TPD52L2: variants seen among roughly 807,000 people sequenced by gnomAD.
TPD52L2 encodes the protein tumor protein D54.
In TPD52L2, 19 loss-of-function variants were observed where a neutral mutation model predicts 24.7. The ratio of observed to expected loss-of-function variants is 0.77; its 90% confidence interval spans 0.54 to 1.13. The LOEUF (loss-of-function observed/expected upper bound fraction) is 1.13, where lower values mean the gene tolerates loss of function less well. TPD52L2 is among the 50% of genes most tolerant of loss of function. The pLI is 0.00. For missense variants in TPD52L2, 236 were observed against 250.4 expected, an observed-to-expected ratio of 0.94 and a Z score of 0.39; for synonymous variants, 104 against 100.2, an observed-to-expected ratio of 1.04 and a Z score of -0.23.
In TPD52L2 at chr20:63,876,062, G is replaced by A. The variant is rs183241916; in HGVS notation, c.374+187G>A. On this transcript the variant is annotated intron_variant, in intron 4 of 6. Transcript: ENST00000346249. Reference sequence around the variant, plus strand: ...AACTTTTGTGGAACAGGGAATAGTAGCTGAGAGAAACTCACTCAGCCACCT... The same window carrying A: ...AACTTTTGTGGAACAGGGAATAGTAACTGAGAGAAACTCACTCAGCCACCT... Among the ~76,000 whole-genome samples the A allele has an allele frequency of 1.1e-3, 173 of 152,280 alleles. No individual in the cohort carries two copies. Among genetic ancestry groups the A allele is most frequent in the Admixed American group, 3.3e-3 (51 of 15,292 alleles).
chr20:63,869,377 G>C lies in TPD52L2; in HGVS notation c.101G>C (p.Arg34Pro), dbSNP rs116597522. The C allele has an allele frequency of 6.2e-7, 1 of 1,614,154 alleles. No individual in the cohort carries two copies. Among genetic ancestry groups the C allele is most frequent in the Non-Finnish European group, 8.5e-7 (1 of 1,180,006 alleles). The stretch of plus-strand genomic sequence containing the variant: ...CCTGTCGACACAGGTGTGGCTGCCC[G>C]GACTCCTGCTGTTGAGGGTCTGACA... ...DVPVDTGVAA[R>P]TPAVEGLTEA... Residue 34 changes from arginine (R) to proline (P), a missense_variant, in exon 2 of 7, where the codon CGG becomes CCG. By Grantham distance (103) the Arg-to-Pro change is moderately radical. Transcript: ENST00000346249.
At chr20:63,887,870 C>A in intron 5 of TPD52L2, 2 of 548,158 alleles carry the variant, frequency 3.6e-6, no homozygotes, top group Non-Finnish European at 6.5e-6. Flanking sequence ...AAGTCCTGAC[C>A]CTGGCTGCCT....
At chr20:63,873,465 G>T (rs2052543159) in intron 2 of TPD52L2, among the ~76,000 whole-genome samples, 1 of 151,264 alleles carries the variant, frequency 6.6e-6, no homozygotes, top group African/African-American at 2.4e-5. Flanking sequence ...CTCCAGCCTG[G>T]GCGACGAGCG....
chr20:63,887,652 T>C lies in TPD52L2; in HGVS notation c.477-1538T>C, dbSNP rs768673509. On this transcript the variant is annotated intron_variant, in intron 5 of 6. Coordinates refer to ENST00000346249, the MANE Select transcript of TPD52L2 (RefSeq NM_003288.4). ...CGGCTCCAGAGCCGGGTGTCTCTGG[T>C]GGGGGTTGGGGCAGCTCCCGCCGGT... The C allele has an allele frequency of 2.5e-6, 4 of 1,588,124 alleles. No individual in the cohort carries two copies. The East Asian group carries it at 8.9e-5, about 35-fold the overall frequency.
intron 2 of TPD52L2, among the ~76,000 whole-genome samples, chr20:63,871,635 A>G (rs2052468020): frequency 7.1e-6 from 1 of 140,874 alleles, no homozygotes; most frequent in African/African-American, 2.6e-5. Context: ...CACGCAAGAA[A>G]GAGTTTTTTT....
At chr20:63,878,015 C>T (rs1048724023) in intron 4 of TPD52L2, among the ~76,000 whole-genome samples, 21 of 152,282 alleles carry the variant, frequency 1.4e-4, no homozygotes, top group African/African-American at 4.3e-4. Context: ...GGAAGGGATG[C>T]GGCTTGGGAG....
Position 63,865,345 on chromosome 20 carries a change from C to A in TPD52L2, c.-21C>A, listed in dbSNP as rs1294596052. 2 of 1,522,658 alleles carry A rather than the reference C, an allele frequency of 1.3e-6. No homozygotes were observed. Among genetic ancestry groups the A allele is most frequent in the Non-Finnish European group, 1.8e-6 (2 of 1,140,916 alleles). The allele number at this position is 1,522,658 out of a possible 1,614,324, so 94.3% of individuals were successfully genotyped here. A position where few individuals can be genotyped will look rare whatever the true frequency, so the allele number is the denominator to read the frequency against. On this transcript the variant is annotated 5_prime_UTR_variant, in exon 1 of 7. Coordinates refer to ENST00000346249, the MANE Select transcript of TPD52L2 (RefSeq NM_003288.4). ...TCGGCTCCCATAGCGCCCGCGACAG[C>A]GGTCCGGACGCCGCCCGAACATGGA...
chr20:63,869,516 C>G (rs754261615), intron 2 of TPD52L2, 75 bp downstream of exon 2: 145 of 1,579,172 alleles, frequency 9.2e-5, no homozygotes, highest in Non-Finnish European at 1.2e-4. Flanking sequence ...GGCCAGGGTA[C>G]TGGCCACGCT....
chr20:63,873,665 C>T lies in TPD52L2; in HGVS notation c.166-3C>T. 1 of 1,611,018 alleles carries T rather than the reference C, an allele frequency of 6.2e-7. No homozygotes were observed. The highest frequency in any genetic ancestry group is 8.5e-7 in the Non-Finnish European group (1 of 1,178,840). Reference sequence around the variant, plus strand: ...CTCATCATGTCAACTGCATGCTTTGCAGGTGGAAGAGGAAATTGTCACTCT... The same window carrying T: ...CTCATCATGTCAACTGCATGCTTTGTAGGTGGAAGAGGAAATTGTCACTCT... On this transcript the variant is annotated splice_polypyrimidine_tract_variant and splice_region_variant and intron_variant, in intron 2 of 6. Transcript: ENST00000346249.
chr20:63,884,050 AG>A (rs2053004770), intron 5 of TPD52L2, among the ~76,000 whole-genome samples: 1 of 152,042 alleles, frequency 6.6e-6, no homozygotes, highest in African/African-American at 2.4e-5. Context: ...TGTTTTTTTG[AG>A]GTAATCTACC....
At chr20:63,872,502 C>T (rs1358357454) in intron 2 of TPD52L2, among the ~76,000 whole-genome samples, 2 of 151,836 alleles carry the variant, frequency 1.3e-5, no homozygotes, top group Admixed American at 6.6e-5. Context: ...CTCAGCCTCC[C>T]GAGTAGCTGG....
chr20:63,886,044 T>G (rs1233524638), intron 5 of TPD52L2: 1 of 1,614,084 alleles, frequency 6.2e-7, no homozygotes, highest in Non-Finnish European at 8.5e-7. Flanking sequence ...CTCCTTTAGG[T>G]AAGGCTGAGC....
chr20:63,887,377 T>G, intron 5 of TPD52L2: 14 of 745,494 alleles, frequency 1.9e-5, no homozygotes, highest in East Asian at 2.5e-5. Context: ...GTGCCCCCCA[T>G]GAGGCCAAGG....
chr20:63,885,591 G>A (rs912948838), intron 5 of TPD52L2, among the ~76,000 whole-genome samples: 4 of 152,230 alleles, frequency 2.6e-5, no homozygotes, highest in African/African-American at 9.6e-5. Context: ...GGCCGCTCTC[G>A]TTCTGTGGAG....
chr20:63,881,960 G>A (rs1320215621), intron 4 of TPD52L2, among the ~76,000 whole-genome samples: 1 of 152,214 alleles, frequency 6.6e-6, no homozygotes, highest in Non-Finnish European at 1.5e-5. Flanking sequence ...CAAGGCCCTA[G>A]AGCTTTGCTT....
chr20:63,886,386 AGTCTTGCTCTGTCGCCCAG>A (rs1346535957), intron 5 of TPD52L2, among the ~76,000 whole-genome samples: 18 of 148,092 alleles, frequency 1.2e-4, no homozygotes, highest in Non-Finnish European at 2.4e-4. Context: ...TTTTAGACGG[AGTCTTGCTCTGTCGCCCAG>A]GTTGGAGTGC....
At position 63,877,710 on chromosome 20, in the gene TPD52L2, A is replaced by G. The variant is rs181681122; in HGVS notation, c.374+1835A>G. Among the ~76,000 whole-genome samples the G allele has an allele frequency of 1.1e-3, 168 of 152,374 alleles. No homozygotes were observed. Among genetic ancestry groups the G allele is most frequent in the African/African-American group, 3.9e-3 (162 of 41,594 alleles). On this transcript the variant is annotated intron_variant, in intron 4 of 6. Coordinates refer to ENST00000346249, the MANE Select transcript of TPD52L2 (RefSeq NM_003288.4). The surrounding 1 kb of genome is among the most constrained non-coding windows in gnomAD (Gnocchi z 4.1). ...AATAGTGTTTTAGAGAGCTTATTAC[A>G]ACACTCAGCGTCCCGACCCCTCTGG...
rs529723599 is a variant in TPD52L2 at position 63,890,313 on chromosome 20, G to A, written c.*368G>A. On this transcript the variant is annotated 3_prime_UTR_variant, in exon 7 of 7. Transcript: ENST00000346249. ...TTGAAGAGTTCTAAGCATAAAATAA[G>A]TGGCATTTTCTGACTTCTTCCTCCT... 174 of 321,940 alleles carry A rather than the reference G, an allele frequency of 5.4e-4. No individual in the cohort carries two copies. Among genetic ancestry groups the A allele is most frequent in the Admixed American group, 1.8e-3 (36 of 20,224 alleles). The allele number at this position is 321,940 out of a possible 1,614,324, so 19.9% of individuals were successfully genotyped here.
chr20:63,883,196 A>G (rs2052963823), intron 5 of TPD52L2, among the ~76,000 whole-genome samples: 3 of 152,134 alleles, frequency 2.0e-5, no homozygotes, highest in Non-Finnish European at 4.4e-5. Flanking sequence ...TCTCTAGGAC[A>G]GGGGCTCGGC....
Sources: gnomAD v4.1 joint callset for allele counts (sites outside exome capture counted in the v4.1 genomes callset) on GRCh38, gnomAD v4.1.1 for gene constraint, Gnocchi (gnomAD v3.1) non-coding constraint, MANE v1.5 for transcripts, NCBI Gene and HGNC (gene_info 2026-07-23, HGNC 2026-07-21) for gene names.